The following DMD variants were observed in gnomAD, a reference collection of about 807,000 sequenced individuals.
The protein encoded by DMD is mutant dystrophin.
In DMD, 63 loss-of-function variants were observed where a neutral mutation model predicts 330.1. That is an observed-to-expected ratio of 0.19 (90% CI 0.16 to 0.24). The LOEUF (loss-of-function observed/expected upper bound fraction) is 0.24. Among genes scored for constraint, DMD ranks in the 10% least tolerant of loss-of-function variants. The pLI is 1.00. For synonymous variants in DMD, 1,223 were observed against 959.8 expected (o/e 1.27, Z -5.07); for missense variants, 3,344 against 2,684.1 (o/e 1.25, Z -5.43).
chrX:32,844,997 T>C, intron 3 of DMD, 137 bp from the exon 4 acceptor site: 1 of 557,470 alleles, frequency 1.8e-6, no homozygotes, highest in East Asian at 3.7e-5. Context: ...ATATAATGAA[T>C]CTAAATACTT....
At chrX:31,224,850 C>T (rs59735819) in intron 63 of DMD, among the ~76,000 whole-genome samples, 4,352 of 111,615 alleles carry the variant, frequency 0.039, 231 homozygotes, top group African/African-American at 0.14. Context: ...GTGAACTGAT[C>T]TGAAAAACAC....
intron 9 of DMD, among the ~76,000 whole-genome samples, chrX:32,664,047 G>T (rs1039785813): frequency 9.0e-6 from 1 of 111,262 alleles, no homozygotes. Context: ...AGAGTGATGT[G>T]ATTTGCCTTA....
intron 2 of DMD, among the ~76,000 whole-genome samples, chrX:32,982,661 G>T (rs2092737107): frequency 9.0e-6 from 1 of 111,554 alleles, no homozygotes; most frequent in Non-Finnish European, 1.9e-5. Flanking sequence ...TGGAGCAGAA[G>T]TTGAGTGACT....
intron 37 of DMD, among the ~76,000 whole-genome samples, chrX:32,352,164 C>T (rs2097783831): frequency 9.1e-6 from 1 of 110,283 alleles, no homozygotes; most frequent in Non-Finnish European, 1.9e-5. Flanking sequence ...TCAAGTAATG[C>T]TAAATGTTTA....
chrX:32,123,489 T>A (rs1039644266), intron 44 of DMD, among the ~76,000 whole-genome samples: 3 of 107,948 alleles, frequency 2.8e-5, no homozygotes, highest in African/African-American at 1.0e-4. Flanking sequence ...CTCTACTCCA[T>A]AGGGGGAAAT....
chrX:31,457,792 A>C (rs755295686), intron 59 of DMD, among the ~76,000 whole-genome samples: 5 of 111,854 alleles, frequency 4.5e-5, no homozygotes, highest in Non-Finnish European at 7.5e-5. Flanking sequence ...TACTGAAACA[A>C]AATGGATTTT....
At chrX:31,648,600 G>C (rs1182893400) in intron 54 of DMD, among the ~76,000 whole-genome samples, 2 of 67,663 alleles carry the variant, frequency 3.0e-5, no homozygotes, top group Non-Finnish European at 5.0e-5. Context: ...GTTTCCCTAC[G>C]GGGTGAAAGG....
At chrX:32,118,244 C>T (rs978334151) in intron 44 of DMD, among the ~76,000 whole-genome samples, 15 of 111,809 alleles carry the variant, frequency 1.3e-4, no homozygotes, top group Admixed American at 1.0e-3. Flanking sequence ...AAACACTGAT[C>T]ACTGATGATC....
At chrX:31,157,793 T>C (rs1211118961) in intron 74 of DMD, among the ~76,000 whole-genome samples, 1 of 107,434 alleles carries the variant, frequency 9.3e-6, no homozygotes, top group African/African-American at 3.5e-5. Context: ...ACAGAAACTA[T>C]AGAATCTTTT....
chrX:31,632,272 T>C (rs778928631), intron 54 of DMD, among the ~76,000 whole-genome samples: 1 of 111,880 alleles, frequency 8.9e-6, no homozygotes, highest in South Asian at 3.7e-4. Context: ...CTAAAGAGCT[T>C]AATTATTGTA....
intron 30 of DMD, among the ~76,000 whole-genome samples, chrX:32,394,916 C>CAAAACAAAAAAAAAAAAAAAA (rs2098030291): frequency 2.6e-4 from 10 of 39,024 alleles, no homozygotes; most frequent in Admixed American, 4.1e-4. Context: ...AACAAAAAAA[C>CAAAACAAAAAAAAAAAAAAAA]AAAAAAAAAA....
At chrX:32,082,945 G>C (rs745898678) in intron 44 of DMD, among the ~76,000 whole-genome samples, 3 of 111,671 alleles carry the variant, frequency 2.7e-5, no homozygotes, top group African/African-American at 9.8e-5. Context: ...ATTTAGGCGT[G>C]GGAGTCAATA....
intron 16 of DMD, among the ~76,000 whole-genome samples, chrX:32,561,462 A>AT (rs2050995527): frequency 8.9e-6 from 1 of 111,829 alleles, no homozygotes; most frequent in African/African-American, 3.3e-5. Flanking sequence ...AGAGAAAAAG[A>AT]AAAGAATAAA....
intron 61 of DMD, among the ~76,000 whole-genome samples, chrX:31,343,666 A>G (rs1449874718): frequency 9.1e-6 from 1 of 109,882 alleles, no homozygotes; most frequent in African/African-American, 3.3e-5. Flanking sequence ...ACAGAGAGAG[A>G]GAGAGAATAA....
In DMD at chrX:31,126,677, T is replaced by TAATA; in HGVS notation, c.11015-8_11015-5dup. 8.4e-7 allele frequency: 1 copy of TAATA among 1,185,635 alleles called. No individual in the cohort carries two copies. The highest frequency in any genetic ancestry group is 3.0e-5 in the East Asian group (1 of 33,595). On this transcript the variant is annotated splice_region_variant and splice_polypyrimidine_tract_variant and intron_variant, in intron 77 of 78. Transcript: ENST00000357033. ...GGCTTTCCAGGGGTATTTCTTCCTT[T>TAATA]AATAATAGAGAGAGGAAGAGGCAGA...
intron 44 of DMD, among the ~76,000 whole-genome samples, chrX:32,143,990 T>C (rs1283164135): frequency 1.8e-5 from 2 of 111,620 alleles, no homozygotes; most frequent in Admixed American, 1.9e-4. Context: ...GGGTACCTAA[T>C]AAACTCTTAA....
chrX:32,914,986 A>G (rs181572632), intron 2 of DMD, among the ~76,000 whole-genome samples: 91 of 111,706 alleles, frequency 8.1e-4, no homozygotes, highest in Non-Finnish European at 1.5e-3. Context: ...TCCAGTAATT[A>G]GTGTAGACAG....
chrX:33,234,755 A>G (rs1333106000), intron 1 of DMD, among the ~76,000 whole-genome samples: 1 of 110,940 alleles, frequency 9.0e-6, no homozygotes, highest in Non-Finnish European at 1.9e-5. Flanking sequence ...GATTTTTTGT[A>G]AAATTCTGGG....
At chrX:31,198,201 A>C (rs999054970) in intron 67 of DMD, among the ~76,000 whole-genome samples, 4 of 110,847 alleles carry the variant, frequency 3.6e-5, no homozygotes, top group African/African-American at 1.3e-4. Flanking sequence ...CACTATAGTA[A>C]TCAATATATT....
Sources: allele counts gnomAD v4.1 joint callset (sites outside exome capture counted in the v4.1 genomes callset), GRCh38; gene constraint gnomAD v4.1.1; transcripts MANE v1.5; gene names NCBI Gene and HGNC (gene_info 2026-07-23, HGNC 2026-07-21).